CPED1: variants seen among roughly 807,000 people sequenced by gnomAD.
CPED1 encodes cadherin-like and PC-esterase domain-containing protein 1.
In CPED1, 114 loss-of-function variants were observed where a neutral mutation model predicts 128.2. The observed-to-expected ratio is 0.89, with a 90% CI of 0.76 to 1.04. The LOEUF (loss-of-function observed/expected upper bound fraction) is 1.04. Ranked by LOEUF, CPED1 falls within the 50% of genes least tolerant of loss-of-function variation. CPED1 has a pLI of 0.00. For missense variants in CPED1, 1,211 were observed against 1,207.1 expected, an observed-to-expected ratio of 1.00 and a Z score of -0.05; for synonymous variants, 462 against 426.7, an observed-to-expected ratio of 1.08 and a Z score of -1.02.
Position 121,015,010 on chromosome 7 carries a change from A to G in CPED1, c.250-655A>G, listed in dbSNP as rs149509761. ...CTTTGTTATTAGAATTTCAATTTCC[A>G]TTGTGAGAAAGAGGAATATTTATAT... On this transcript the variant is annotated intron_variant, in intron 2 of 22. Coordinates refer to ENST00000310396, the MANE Select transcript of CPED1 (RefSeq NM_024913.5). Among the ~76,000 whole-genome samples the G allele has an allele frequency of 2.5e-3, 383 of 152,328 alleles. 2 individuals are homozygous for G. The highest frequency in any genetic ancestry group is 4.4e-3 in the Non-Finnish European group (301 of 68,024).
intron 16 of CPED1, among the ~76,000 whole-genome samples, chr7:121,199,955 T>C (rs1797358537): frequency 6.6e-6 from 1 of 152,098 alleles, no homozygotes; most frequent in Non-Finnish European, 1.5e-5. Flanking sequence ...CATTCTTTTT[T>C]TATATTGTCT....
rs1372912698 is a variant in CPED1, at chr7:121,194,046, A to ATTTT, written c.2056-42667_2056-42666insTTTT. On this transcript the variant is annotated intron_variant, in intron 16 of 22. Coordinates refer to ENST00000310396, the MANE Select transcript of CPED1 (RefSeq NM_024913.5). Reference sequence around the variant, plus strand: ...TCTATATATATATATATATATATATATATTTTTTTTTTTTTTTTTTGAGAC... The same window carrying ATTTT: ...TCTATATATATATATATATATATATATTTTTATTTTTTTTTTTTTTTTTTGAGAC... Among the ~76,000 whole-genome samples the ATTTT allele has an allele frequency of 5.1e-3, 272 of 52,982 alleles. 7 individuals carry two copies. Among genetic ancestry groups the ATTTT allele is most frequent in the South Asian group, 6.8e-3 (9 of 1,326 alleles). The allele number at this position is 52,982 out of a possible 152,430, so 34.8% of individuals were successfully genotyped here.
At chr7:121,145,937 A>G (rs981912334) in intron 16 of CPED1, among the ~76,000 whole-genome samples, 6 of 152,038 alleles carry the variant, frequency 3.9e-5, no homozygotes, top group African/African-American at 1.4e-4. Flanking sequence ...AATGAACTAA[A>G]CTTTTATTAT....
At chr7:121,206,118 T>C (rs1797511102) in intron 16 of CPED1, among the ~76,000 whole-genome samples, 1 of 152,032 alleles carries the variant, frequency 6.6e-6, no homozygotes. Flanking sequence ...TTTCAACTGC[T>C]AAAGATAAAT....
chr7:121,118,100 T>C (rs1443433798), intron 7 of CPED1, among the ~76,000 whole-genome samples: 1 of 152,006 alleles, frequency 6.6e-6, no homozygotes, highest in Non-Finnish European at 1.5e-5. Context: ...TTGGAGGGAG[T>C]TGAAAGAACT....
chr7:121,210,364 T>G (rs528045444), intron 16 of CPED1, among the ~76,000 whole-genome samples: 1 of 152,178 alleles, frequency 6.6e-6, no homozygotes, highest in Admixed American at 6.6e-5. Context: ...CACTCCCGTG[T>G]TTATTGCAGC....
chr7:120,992,729 T>C (rs1248133636), intron 2 of CPED1, among the ~76,000 whole-genome samples: 3 of 152,224 alleles, frequency 2.0e-5, no homozygotes, highest in Non-Finnish European at 4.4e-5. Flanking sequence ...AAAAACTTCT[T>C]GGATCAGAGT....
intron 7 of CPED1, among the ~76,000 whole-genome samples, chr7:121,110,243 A>C (rs1360739325): frequency 6.6e-6 from 1 of 152,146 alleles, no homozygotes; most frequent in Non-Finnish European, 1.5e-5. Flanking sequence ...GCTAGATGTT[A>C]TGTTGGGCTC....
At chr7:121,137,242 GCTCACTGCAACCTCGA>G (rs1441982372) in intron 14 of CPED1, among the ~76,000 whole-genome samples, 1 of 151,906 alleles carries the variant, frequency 6.6e-6, no homozygotes, top group Non-Finnish European at 1.5e-5. Flanking sequence ...CACCATCATA[GCTCACTGCAACCTCGA>G]CTTCCTGGGC....
chr7:121,189,256 T>C (rs1171848177), intron 16 of CPED1, among the ~76,000 whole-genome samples: 1 of 152,126 alleles, frequency 6.6e-6, no homozygotes, highest in Non-Finnish European at 1.5e-5. Context: ...CACACTGCTA[T>C]AAAGAACTAC....
At chr7:121,020,435 A>AG (rs1792410156) in intron 3 of CPED1, among the ~76,000 whole-genome samples, 1 of 151,976 alleles carries the variant, frequency 6.6e-6, no homozygotes, top group South Asian at 2.1e-4. Context: ...TAATTGCAAC[A>AG]GAGTCTGTAT....
At chr7:121,054,122 G>GCTA in intron 4 of CPED1, among the ~76,000 whole-genome samples, 1 of 152,332 alleles carries the variant, frequency 6.6e-6, no homozygotes, top group East Asian at 1.9e-4. Flanking sequence ...TGTGCCCATT[G>GCTA]CTACTAGGGT....
intron 4 of CPED1, among the ~76,000 whole-genome samples, chr7:121,062,460 T>C (rs534055412): frequency 1.3e-5 from 2 of 152,348 alleles, no homozygotes; most frequent in South Asian, 4.1e-4. Flanking sequence ...GGGTTATCTA[T>C]ACTTTTGCAA....
At chr7:121,039,160 C>T (rs936880302) in intron 3 of CPED1, among the ~76,000 whole-genome samples, 1 of 152,030 alleles carries the variant, frequency 6.6e-6, no homozygotes, top group African/African-American at 2.4e-5. Context: ...TTTGTCTCTT[C>T]ATCACTATGT....
At chr7:121,186,443 C>T (rs1797004706) in intron 16 of CPED1, among the ~76,000 whole-genome samples, 1 of 152,034 alleles carries the variant, frequency 6.6e-6, no homozygotes, top group African/African-American at 2.4e-5. Context: ...TTTTATGCAT[C>T]TATGAAAAAG....
At chr7:121,189,338 G>A (rs759233463) in intron 16 of CPED1, among the ~76,000 whole-genome samples, 3 of 152,080 alleles carry the variant, frequency 2.0e-5, no homozygotes, top group Admixed American at 1.3e-4. Context: ...CAGGAAACAC[G>A]GCTGGAAAGC....
At chr7:121,007,581 T>G (rs1038965354) in intron 2 of CPED1, among the ~76,000 whole-genome samples, 6 of 152,192 alleles carry the variant, frequency 3.9e-5, no homozygotes, top group Non-Finnish European at 7.4e-5. Context: ...GATGTCCAAG[T>G]CAGGGTCTGC....
At chr7:121,059,058 G>A (rs1379585781) in intron 4 of CPED1, among the ~76,000 whole-genome samples, 1 of 152,192 alleles carries the variant, frequency 6.6e-6, no homozygotes, top group African/African-American at 2.4e-5. Flanking sequence ...TAGTCTGTGT[G>A]ATGATAAAAG....
Position 121,204,980 on chromosome 7 carries a change from G to C in CPED1, c.2056-31734G>C, listed in dbSNP as rs115034137. Among the ~76,000 whole-genome samples, 4 of 152,148 alleles carry C rather than the reference G, an allele frequency of 2.6e-5. No homozygotes were observed. The East Asian group carries it at 7.7e-4, about 29-fold the overall frequency. Reference sequence around the variant, plus strand: ...TAGGCCACCTCCATAAAATAATTGGGTTTCTTTTCTGGGATGCAGTTCCTT... The same window carrying C: ...TAGGCCACCTCCATAAAATAATTGGCTTTCTTTTCTGGGATGCAGTTCCTT... On this transcript the variant is annotated intron_variant, in intron 16 of 22. Transcript: ENST00000310396.
Sources: gnomAD v4.1 joint callset for allele counts (sites outside exome capture counted in the v4.1 genomes callset) on GRCh38, gnomAD v4.1.1 for gene constraint, MANE v1.5 for transcripts, NCBI Gene and HGNC (gene_info 2026-07-23, HGNC 2026-07-21) for gene names.